GJB6: variants seen among roughly 807,000 people sequenced by gnomAD.
GJB6 encodes gap junction protein beta 6, also known as gap junction beta-6 protein.
A neutral mutation model predicts 5.4 loss-of-function variants in GJB6; 5 were observed. That is an observed-to-expected ratio of 0.92 (90% CI 0.48 to 1.93). GJB6 has a LOEUF of 1.93. Among genes scored for constraint, GJB6 ranks in the 30% most tolerant of loss-of-function variants. GJB6 has a pLI of 0.01. For missense variants in GJB6, 298 were observed against 326.9 expected, an observed-to-expected ratio of 0.91 and a Z score of 0.68; for synonymous variants, 136 against 129.6, an observed-to-expected ratio of 1.05 and a Z score of -0.34.
In GJB6 at chr13:20,223,135, T is replaced by C; in HGVS notation, c.346A>G (p.Lys116Glu). The C allele has an allele frequency of 6.2e-7, 1 of 1,614,078 alleles. No homozygotes were observed. Among genetic ancestry groups the C allele is most frequent in the Non-Finnish European group, 8.5e-7 (1 of 1,179,912 alleles). Residue 116 changes from lysine to glutamate, a missense_variant, in exon 5 of 5, where the codon AAA becomes GAA. Lys to Glu is a moderately conservative substitution (Grantham distance 56). Coordinates refer to ENST00000647029, the MANE Select transcript of GJB6 (RefSeq NM_001110219.3). ...TGCTTTTTAATGTCCTCTATGTCTT[T>C]GAAATCATTCCTCTTCTCTCCTCGC... ...FRRGEKRNDF[K>E]DIEDIKKQKV...
chr13:20,228,483 T>G (rs1869755068), intron 4 of GJB6, among the ~76,000 whole-genome samples: 1 of 142,858 alleles, frequency 7.0e-6, no homozygotes, highest in Admixed American at 6.8e-5. Flanking sequence ...GTTTTTTGTT[T>G]TTGTTTTTTG....
At chr13:20,228,473 G>T (rs867761567) in intron 4 of GJB6, among the ~76,000 whole-genome samples, 1,932 of 149,804 alleles carry the variant, frequency 0.013, 42 homozygotes, top group African/African-American at 0.044. Flanking sequence ...GTTTGTTTTT[G>T]TTTTTTGTTT....
At chr13:20,228,607 T>G (rs1245633894) in intron 4 of GJB6, among the ~76,000 whole-genome samples, 2 of 120,734 alleles carry the variant, frequency 1.7e-5, no homozygotes, top group Admixed American at 7.6e-5. Flanking sequence ...CCTCAGCCTC[T>G]CTGAGCAGCT....
chr13:20,230,637 C>T (rs2137358287), intron 3 of GJB6, 61 bp downstream of exon 3: 1 of 152,336 alleles, frequency 6.6e-6, no homozygotes, highest in Middle Eastern at 3.4e-3. Flanking sequence ...TCAGAAATCA[C>T]TTTCCCACAA....
intron 3 of GJB6, 53 bp downstream of exon 3, chr13:20,230,645 C>G (rs1310022911): frequency 6.6e-6 from 1 of 152,204 alleles, no homozygotes; most frequent in Admixed American, 6.5e-5. Flanking sequence ...CACTTTCCCA[C>G]AATTTTATCC....
intron 4 of GJB6, among the ~76,000 whole-genome samples, chr13:20,226,276 G>C (rs1207161951): frequency 7.1e-6 from 1 of 140,492 alleles, no homozygotes; most frequent in Non-Finnish European, 1.5e-5. Flanking sequence ...TTAACAGAAA[G>C]CCAGGTTTTT....
intron 4 of GJB6, among the ~76,000 whole-genome samples, chr13:20,228,040 A>G (rs1413294034): frequency 6.6e-6 from 1 of 152,228 alleles, no homozygotes; most frequent in African/African-American, 2.4e-5. Context: ...TTGTAAAAAC[A>G]CATAACCACA....
chr13:20,229,315 ATTTTTTTTTTTTTTTTTT>A (rs60451416), intron 4 of GJB6, among the ~76,000 whole-genome samples: 1 of 55,272 alleles, frequency 1.8e-5, no homozygotes, highest in African/African-American at 6.3e-5. Flanking sequence ...TACCTGGTTA[ATTTTTTTTTTTTTTTTTT>A]TTTTTTTTTT....
At chr13:20,229,123 C>CAAAAAAAAAAAAAAAAAA (rs5802041) in intron 4 of GJB6, among the ~76,000 whole-genome samples, 4 of 43,876 alleles carry the variant, frequency 9.1e-5, no homozygotes, top group African/African-American at 4.0e-4. Flanking sequence ...TGTCATTTAG[C>CAAAAAAAAAAAAAAAAAA]AAAAAAAAAA....
In GJB6 at chr13:20,223,446, C is replaced by T. The variant is rs779708708; in HGVS notation, c.35G>A (p.Gly12Asp). ...DWGTLHTFIGGVNKHSTSIGK... is the reference protein window; with the variant it reads ...DWGTLHTFIGDVNKHSTSIGK... ...GATGCTGGTGGAGTGTTTGTTGACA[C>T]CCCCGATGAAAGTGTGCAGCGTCCC... Residue 12 changes from glycine to aspartate, a missense_variant, in exon 5 of 5, where the codon GGT becomes GAT. By Grantham distance (94) the Gly-to-Asp change is moderately conservative (BLOSUM62 -1). Transcript: ENST00000647029. 1.9e-6 allele frequency: 3 copies of T among 1,614,084 alleles called. No homozygotes were observed. The highest frequency in any genetic ancestry group is 2.2e-5 in the South Asian group (2 of 91,076).
intron 2 of GJB6, 117 bp from the exon 3 acceptor site, chr13:20,230,924 C>T (rs1415284995): frequency 6.6e-6 from 1 of 152,236 alleles, no homozygotes; most frequent in Non-Finnish European, 1.5e-5. Context: ...CCAGCGTCTT[C>T]CCAGCTTTAG....
chr13:20,224,628 A>T (rs531253934), intron 4 of GJB6, among the ~76,000 whole-genome samples: 1 of 152,152 alleles, frequency 6.6e-6, no homozygotes, highest in Non-Finnish European at 1.5e-5. Flanking sequence ...AGCTATGGAC[A>T]CTTTTGCTAT....
chr13:20,226,209 CAG>C (rs1869567158), intron 4 of GJB6, among the ~76,000 whole-genome samples: 1 of 151,016 alleles, frequency 6.6e-6, no homozygotes, highest in African/African-American at 2.4e-5. Context: ...GAATGTGAAA[CAG>C]AGGATTCAAT....
At chr13:20,225,411 T>C (rs909304432) in intron 4 of GJB6, 1 of 152,256 alleles carries the variant, frequency 6.6e-6, no homozygotes, top group Non-Finnish European at 1.5e-5. Flanking sequence ...CTCCCCATTT[T>C]GTTTACCCAT....
In GJB6 at chr13:20,222,524, C is replaced by T. The variant is rs192122304; in HGVS notation, c.*171G>A. 18 of 624,250 alleles carry T rather than the reference C, an allele frequency of 2.9e-5. No individual in the cohort carries two copies. Among genetic ancestry groups the T allele is most frequent in the East Asian group, 2.7e-4 (10 of 36,800 alleles). The allele number at this position is 624,250 out of a possible 1,614,324, so 38.7% of individuals were successfully genotyped here. On this transcript the variant is annotated 3_prime_UTR_variant, in exon 5 of 5. Coordinates refer to ENST00000647029, the MANE Select transcript of GJB6 (RefSeq NM_001110219.3). ...CAGAGATGGACCACATATTTGATTA[C>T]GTTGTGTATGAATGGAGCAAGTATC...
intron 4 of GJB6, among the ~76,000 whole-genome samples, chr13:20,228,767 A>G (rs918774591): frequency 7.9e-5 from 12 of 151,916 alleles, no homozygotes; most frequent in Non-Finnish European, 1.6e-4. Context: ...TACAAGCATG[A>G]GCCACCGCGC....
Position 20,223,450 on chromosome 13 carries a change from C to T in GJB6, c.31G>A (p.Gly11Arg), listed in dbSNP as rs104894415. The T allele has an allele frequency of 1.2e-6, 2 of 1,613,950 alleles. No homozygotes were observed. Among genetic ancestry groups the T allele is most frequent in the Non-Finnish European group, 1.7e-6 (2 of 1,180,002 alleles). ...CTGGTGGAGTGTTTGTTGACACCCCCGATGAAAGTGTGCAGCGTCCCCCAA... is the reference window on the plus strand; with the variant it reads ...CTGGTGGAGTGTTTGTTGACACCCCTGATGAAAGTGTGCAGCGTCCCCCAA... MDWGTLHTFI[G>R]GVNKHSTSIG... The change falls in exon 5 of 5, where the codon GGG becomes AGG. Residue 11 changes from glycine to arginine, a missense_variant. Transcript: ENST00000647029.
chr13:20,230,403 T>G (rs778617784), intron 3 of GJB6, among the ~76,000 whole-genome samples: 2 of 152,246 alleles, frequency 1.3e-5, no homozygotes, highest in Non-Finnish European at 2.9e-5. Context: ...TAAACTTTCC[T>G]TCTCTGGGTC....
At position 20,229,639 on chromosome 13, in the gene GJB6, C is replaced by T. The variant is rs1869931782; in HGVS notation, c.-75G>A. 6.6e-6 allele frequency: 1 copy of T among 152,064 alleles called. No homozygotes were observed. Among genetic ancestry groups the T allele is most frequent in the Non-Finnish European group, 1.5e-5 (1 of 68,030 alleles). The allele number at this position is 152,064 out of a possible 1,614,324, so 9.4% of individuals were successfully genotyped here. ...GACCCAAAGAATGAGGGCAAGATCC[C>T]TCTGCGAGGGTTTCAGACCTCCTTC... On this transcript the variant is annotated 5_prime_UTR_variant, in exon 4 of 5. Transcript: ENST00000647029.
Sources: allele counts gnomAD v4.1 joint callset (sites outside exome capture counted in the v4.1 genomes callset), GRCh38; gene constraint gnomAD v4.1.1; transcripts MANE v1.5; gene names NCBI Gene and HGNC (gene_info 2026-07-23, HGNC 2026-07-21).